LAPTM4B: variants seen among roughly 807,000 people sequenced by gnomAD.
The protein encoded by LAPTM4B is lysosomal-associated transmembrane protein 4B.
Under a neutral mutation model 28.5 loss-of-function variants are expected in LAPTM4B, and 26 were observed. The ratio of observed to expected loss-of-function variants is 0.91; its 90% CI spans 0.67 to 1.27. LAPTM4B has a LOEUF of 1.27. Among genes scored for constraint, LAPTM4B ranks in the 50% most tolerant of loss-of-function variants. The pLI is 0.00. For synonymous variants in LAPTM4B, 109 were observed against 106.4 expected, an observed-to-expected ratio of 1.02 and a Z score of -0.15; for missense variants, 288 against 285.8, an observed-to-expected ratio of 1.01 and a Z score of -0.06.
intron 1 of LAPTM4B, among the ~76,000 whole-genome samples, chr8:97,782,161 G>A (rs940332598): frequency 6.7e-6 from 1 of 150,004 alleles, no homozygotes; most frequent in African/African-American, 2.4e-5. Context: ...TGTATTTTTA[G>A]TAGATAACAG....
intron 6 of LAPTM4B, among the ~76,000 whole-genome samples, chr8:97,827,896 CA>C (rs1300053382): frequency 6.6e-6 from 1 of 152,036 alleles, no homozygotes; most frequent in Non-Finnish European, 1.5e-5. Context: ...TCACAGGGCA[CA>C]ATGTCACAAG....
In LAPTM4B at chr8:97,837,091, G is replaced by GTA. The variant is rs1817271098; in HGVS notation, c.603+11940_603+11941dup. Among the ~76,000 whole-genome samples the GTA allele has an allele frequency of 2.0e-5, 3 of 152,138 alleles. No homozygotes were observed. The South Asian group carries it at 6.2e-4, about 32-fold the overall frequency. Reference sequence around the variant, plus strand: ...GGGTTGTCAAAAAGCCACAAAACAGGTATTGCCTGACTAAGGGGGAATGGG... The same window carrying GTA: ...GGGTTGTCAAAAAGCCACAAAACAGGTATATTGCCTGACTAAGGGGGAATGGG... On this transcript the variant is annotated intron_variant, in intron 6 of 6. Coordinates refer to ENST00000521545, the MANE Select transcript of LAPTM4B (RefSeq NM_018407.6).
chr8:97,820,884 A>G (rs1291618033), intron 5 of LAPTM4B, among the ~76,000 whole-genome samples: 1 of 151,840 alleles, frequency 6.6e-6, no homozygotes. Flanking sequence ...GCCTGTTACC[A>G]CACCCAGCTA....
chr8:97,776,971 C>T lies in LAPTM4B; in HGVS notation c.99+863C>T, dbSNP rs139830594. On this transcript the variant is annotated intron_variant, in intron 1 of 6. Transcript: ENST00000521545. ...GCACCTGCCCTGCGTTGGTTGGTGG[C>T]ACCCCTAGACTGCACCAGCACTGAG... 2.0e-3 allele frequency among the ~76,000 whole-genome samples: 302 copies of T among 152,126 alleles called. 10 individuals carry two copies. In the East Asian group the frequency reaches 0.028, roughly 14 times the overall value.
In LAPTM4B at chr8:97,775,796, C is replaced by A. The variant is rs757094560; in HGVS notation, c.-214C>A. 2.5e-6 allele frequency: 4 copies of A among 1,571,892 alleles called. No homozygotes were observed. Among genetic ancestry groups the A allele is most frequent in the African/African-American group, 1.3e-5 (1 of 74,396 alleles). On this transcript the variant is annotated 5_prime_UTR_variant, in exon 1 of 7. Coordinates refer to ENST00000521545, the MANE Select transcript of LAPTM4B (RefSeq NM_018407.6). ...CGCCCCGCCCCCTCCCCGTCCCCGC[C>A]GCTGCAGCGGTCGCCTTCGGAGCGA...
intron 2 of LAPTM4B, among the ~76,000 whole-genome samples, chr8:97,812,202 ATT>A (rs1163406588): frequency 1.8e-5 from 2 of 109,184 alleles, no homozygotes; most frequent in African/African-American, 6.5e-5. Context: ...TAAATTAATT[ATT>A]TGTTTTTTTT....
intron 6 of LAPTM4B, among the ~76,000 whole-genome samples, chr8:97,845,413 T>A (rs973204084): frequency 6.6e-6 from 1 of 152,152 alleles, no homozygotes; most frequent in Non-Finnish European, 1.5e-5. Context: ...GTCAGTTTAT[T>A]AATATTAACT....
intron 1 of LAPTM4B, among the ~76,000 whole-genome samples, chr8:97,786,999 C>CT (rs1220130034): frequency 1.3e-5 from 2 of 152,042 alleles, no homozygotes; most frequent in African/African-American, 4.8e-5. Context: ...GAGACCCAGG[C>CT]TGGGGGGTGG....
intron 1 of LAPTM4B, among the ~76,000 whole-genome samples, chr8:97,798,483 A>G (rs1816625306): frequency 6.6e-6 from 1 of 152,122 alleles, no homozygotes; most frequent in Non-Finnish European, 1.5e-5. Flanking sequence ...CTTACCTGTC[A>G]TATCTTTGTT....
Position 97,812,219 on chromosome 8 carries a change from T to C in LAPTM4B, c.212-3109T>C, listed in dbSNP as rs1816843275. On this transcript the variant is annotated intron_variant, in intron 2 of 6. Coordinates refer to ENST00000521545, the MANE Select transcript of LAPTM4B (RefSeq NM_018407.6). The stretch of plus-strand genomic sequence containing the variant: ...AATTAATTATTTGTTTTTTTTTTGT[T>C]GTTTTTTGTTTTTTTTTTGAGTCGG... 4.3e-5 allele frequency among the ~76,000 whole-genome samples: 2 copies of C among 46,212 alleles called. 1 individual carries two copies. The highest frequency in any genetic ancestry group is 2.0e-4 in the Non-Finnish European group (2 of 9,832). The allele number at this position is 46,212 out of a possible 152,430, so 30.3% of individuals were successfully genotyped here.
At chr8:97,782,200 C>T (rs570463299) in intron 1 of LAPTM4B, among the ~76,000 whole-genome samples, 3 of 149,156 alleles carry the variant, frequency 2.0e-5, no homozygotes, top group East Asian at 2.0e-4. Flanking sequence ...AGGCTGGTCT[C>T]GAACTCCCGA....
Position 97,776,116 on chromosome 8 carries a change from C to T in LAPTM4B, c.99+8C>T. On this transcript the variant is annotated splice_region_variant and intron_variant, in intron 1 of 6. Coordinates refer to ENST00000521545, the MANE Select transcript of LAPTM4B (RefSeq NM_018407.6). ...CTCGGCGTCTGGTATCTGGTGAGCG[C>T]GGCGCGCCCGGCCCGGGACCCTGCG... 6.7e-7 allele frequency: 1 copy of T among 1,494,182 alleles called. No homozygotes were observed. The highest frequency in any genetic ancestry group is 1.2e-5 in the South Asian group (1 of 86,250). The allele number at this position is 1,494,182 out of a possible 1,614,324, so 92.6% of individuals were successfully genotyped here.
intron 1 of LAPTM4B, among the ~76,000 whole-genome samples, chr8:97,780,032 C>CA (rs1164916546): frequency 9.6e-5 from 11 of 114,176 alleles, no homozygotes; most frequent in South Asian, 8.5e-4. Flanking sequence ...GCTTGGGCAA[C>CA]AGAGTGAGAC....
chr8:97,825,554 T>A (rs1407963239), intron 6 of LAPTM4B, among the ~76,000 whole-genome samples: 1 of 152,204 alleles, frequency 6.6e-6, no homozygotes, highest in African/African-American at 2.4e-5. Context: ...TGTTTACAGG[T>A]AGGTAAAAAA....
chr8:97,827,765 AAG>A (rs1180040602), intron 6 of LAPTM4B, among the ~76,000 whole-genome samples: 1 of 152,136 alleles, frequency 6.6e-6, no homozygotes, highest in Non-Finnish European at 1.5e-5. Context: ...GAGTCCGAAA[AAG>A]AGAGTCAGCG....
At chr8:97,801,133 T>G (rs1452861769) in intron 1 of LAPTM4B, among the ~76,000 whole-genome samples, 1 of 151,976 alleles carries the variant, frequency 6.6e-6, no homozygotes, top group Non-Finnish European at 1.5e-5. Context: ...CCTACCCTGT[T>G]ATGATAACAA....
intron 6 of LAPTM4B, among the ~76,000 whole-genome samples, chr8:97,832,702 TTTTTA>T (rs1224203362): frequency 1.5e-5 from 1 of 67,962 alleles, no homozygotes; most frequent in African/African-American, 3.8e-5. Flanking sequence ...TTTTATTTTA[TTTTTA>T]TTTTATTTTA....
chr8:97,802,005 G>A (rs138718055), intron 1 of LAPTM4B, among the ~76,000 whole-genome samples: 44 of 152,256 alleles, frequency 2.9e-4, no homozygotes, highest in Middle Eastern at 3.4e-3. Flanking sequence ...AGATAGTTTT[G>A]TTAATCACAC....
Position 97,822,534 on chromosome 8 carries a change from T to TTATGTATTTATG in LAPTM4B, c.508-2521_508-2520insGTATTTATGTAT, listed in dbSNP as rs568507182. ...TCTGTCAGTATGACTTCTATTTTATTTATTTATTTATTTATTTATTTATTT... is the reference window on the plus strand; with the variant it reads ...TCTGTCAGTATGACTTCTATTTTATTTATGTATTTATGTATTTATTTATTTATTTATTTATTT... On this transcript the variant is annotated intron_variant, in intron 5 of 6. Transcript: ENST00000521545. 5.5e-3 allele frequency among the ~76,000 whole-genome samples: 754 copies of TTATGTATTTATG among 136,602 alleles called. 5 individuals carry two copies. In the Middle Eastern group the frequency reaches 0.059, roughly 11 times the overall value. The allele number at this position is 136,602 out of a possible 152,430, so 89.6% of individuals were successfully genotyped here. A position where few individuals can be genotyped will look rare whatever the true frequency, so the allele number is the denominator to read the frequency against.
Sources: allele counts gnomAD v4.1 joint callset (sites outside exome capture counted in the v4.1 genomes callset), GRCh38; gene constraint gnomAD v4.1.1; transcripts MANE v1.5; gene names NCBI Gene and HGNC (gene_info 2026-07-23, HGNC 2026-07-21).